QTMAN: variants seen among roughly 807,000 people sequenced by gnomAD.
QTMAN encodes the protein queuosine-tRNA mannosyltransferase, also known as tRNA-queuosine alpha-mannosyltransferase.
At chr2:144,256,614 G>A in the QTMAN span, among the ~76,000 whole-genome samples, 2 of 152,096 alleles carry the variant, frequency 1.3e-5, no homozygotes, top group South Asian at 2.1e-4. Context: ...AAAACCAAAC[G>A]TTGCATGTTC....
At chr2:143,990,575 A>G in the QTMAN span, among the ~76,000 whole-genome samples, 1 of 152,214 alleles carries the variant, frequency 6.6e-6, no homozygotes, top group Non-Finnish European at 1.5e-5. Context: ...ATTGCTACAG[A>G]TTAATAAAAT....
chr2:144,321,373 C>T, the QTMAN span, among the ~76,000 whole-genome samples: 28 of 152,174 alleles, frequency 1.8e-4, no homozygotes, highest in Admixed American at 1.8e-3. Context: ...GGCTAGATTT[C>T]TAGAAGTCAA....
chr2:144,116,347 CAT>C, the QTMAN span, among the ~76,000 whole-genome samples: 1 of 150,588 alleles, frequency 6.6e-6, no homozygotes, highest in Non-Finnish European at 1.5e-5. Context: ...TGTGTGTGTG[CAT>C]GTGTGTGTGT....
the QTMAN span, among the ~76,000 whole-genome samples, chr2:144,046,518 G>A: frequency 2.0e-5 from 3 of 152,124 alleles, no homozygotes; most frequent in East Asian, 1.9e-4. Context: ...AACTATGGGC[G>A]CATGCCACCA....
the QTMAN span, chr2:143,947,105 G>C: frequency 2.5e-6 from 4 of 1,613,830 alleles, no homozygotes; most frequent in African/African-American, 5.3e-5. Context: ...TTACCATGTA[G>C]GGCTGCCCAA....
At chr2:144,288,914 CAG>C in the QTMAN span, among the ~76,000 whole-genome samples, 1 of 150,734 alleles carries the variant, frequency 6.6e-6, no homozygotes, top group Non-Finnish European at 1.5e-5. Flanking sequence ...GGGAGGGAAA[CAG>C]ATAGGGAGAA....
chr2:143,940,362 T>C, the QTMAN span: 1 of 152,254 alleles, frequency 6.6e-6, no homozygotes, highest in Admixed American at 6.5e-5. Context: ...GTAATATACT[T>C]ATATTGTACT....
the QTMAN span, among the ~76,000 whole-genome samples, chr2:144,077,814 T>C: frequency 1.3e-5 from 2 of 152,334 alleles, no homozygotes; most frequent in South Asian, 4.1e-4. Context: ...TTTACAACCA[T>C]AGTAAGCAAT....
chr2:144,250,883 TTTTC>T, the QTMAN span, among the ~76,000 whole-genome samples: 3 of 152,138 alleles, frequency 2.0e-5, no homozygotes, highest in Non-Finnish European at 2.9e-5. Context: ...AGTAGTTATC[TTTTC>T]TTTCTTAGTA....
chr2:144,021,185 T>C, the QTMAN span, among the ~76,000 whole-genome samples: 1 of 152,140 alleles, frequency 6.6e-6, no homozygotes, highest in African/African-American at 2.4e-5. Context: ...AATTTCAGAA[T>C]ACCAGAGGTA....
the QTMAN span, among the ~76,000 whole-genome samples, chr2:144,268,943 T>C: frequency 6.6e-6 from 1 of 152,016 alleles, no homozygotes; most frequent in Non-Finnish European, 1.5e-5. Context: ...GCACCTGCCA[T>C]CATGCCCACC....
chr2:144,245,306 C>A, the QTMAN span, among the ~76,000 whole-genome samples: 1 of 152,114 alleles, frequency 6.6e-6, no homozygotes, highest in Non-Finnish European at 1.5e-5. Context: ...TTTGAGAAAT[C>A]CATCAGTGAC....
the QTMAN span, among the ~76,000 whole-genome samples, chr2:144,015,781 T>C: frequency 2.6e-5 from 4 of 152,206 alleles, no homozygotes; most frequent in Admixed American, 6.5e-5. Flanking sequence ...ACAGGTTATG[T>C]TGAAGTGGTG....
At chr2:143,993,890 T>C in the QTMAN span, among the ~76,000 whole-genome samples, 2 of 152,046 alleles carry the variant, frequency 1.3e-5, no homozygotes, top group African/African-American at 4.8e-5. Flanking sequence ...TAAAAGAGTT[T>C]AGGGGAAAAA....
the QTMAN span, among the ~76,000 whole-genome samples, chr2:143,970,148 T>G: frequency 1.3e-5 from 2 of 152,168 alleles, no homozygotes; most frequent in African/African-American, 4.8e-5. Context: ...GCTATCAGCT[T>G]CCGATTTTTG....
chr2:144,197,152 A>T, the QTMAN span, among the ~76,000 whole-genome samples: 4 of 152,174 alleles, frequency 2.6e-5, no homozygotes, highest in Non-Finnish European at 4.4e-5. Flanking sequence ...ATCGTAGGCA[A>T]CTATAACACA....
At chr2:144,053,626 T>C in the QTMAN span, among the ~76,000 whole-genome samples, 2 of 152,196 alleles carry the variant, frequency 1.3e-5, no homozygotes, top group Non-Finnish European at 2.9e-5. Context: ...ATGCTTATTC[T>C]CAGAATAAAT....
At chr2:144,328,294 A>G in the QTMAN span, among the ~76,000 whole-genome samples, 182 of 152,222 alleles carry the variant, frequency 1.2e-3, 1 homozygote, top group African/African-American at 4.3e-3. Flanking sequence ...CGTCTGTTTA[A>G]ATGACTTGTG....
chr2:144,177,251 A>AT, the QTMAN span: 35 of 608,924 alleles, frequency 5.7e-5, no homozygotes, highest in South Asian at 4.6e-4. Flanking sequence ...CTTGATCCCA[A>AT]TAAAAAAAAA....
Sources: gnomAD v4.1 joint callset for allele counts (sites outside exome capture counted in the v4.1 genomes callset) on GRCh38, gnomAD v4.1.1 for gene constraint, MANE v1.5 for transcripts, NCBI Gene and HGNC (gene_info 2026-07-23, HGNC 2026-07-21) for gene names.